TBC1D22A: variants seen among roughly 807,000 people sequenced by gnomAD.
The protein encoded by TBC1D22A is putative GTPase activator.
TBC1D22A carries 38 observed loss-of-function variants against 60.2 expected under a neutral mutation model. The observed-to-expected ratio is 0.63, with a 90% CI of 0.49 to 0.83. The LOEUF is 0.83. Ranked by LOEUF, TBC1D22A falls within the 40% of genes least tolerant of loss-of-function variation. TBC1D22A has a pLI of 0.00. For synonymous variants in TBC1D22A, 302 were observed against 281.7 expected (o/e 1.07, Z -0.72); for missense variants, 628 against 701.0 (o/e 0.90, Z 1.18).
At chr22:47,040,031 G>A (rs918549216) in intron 11 of TBC1D22A, among the ~76,000 whole-genome samples, 47 of 137,646 alleles carry the variant, frequency 3.4e-4, no homozygotes, top group East Asian at 8.7e-4. Flanking sequence ...TGCAAGCTCC[G>A]CCTCCCAGGT....
intron 8 of TBC1D22A, among the ~76,000 whole-genome samples, chr22:46,936,275 C>T (rs2071646498): frequency 6.6e-6 from 1 of 151,854 alleles, no homozygotes; most frequent in African/African-American, 2.4e-5. Context: ...TGGGGCCAGG[C>T]TCCTCGCGGT....
chr22:47,139,214 A>G (rs1278052974), intron 12 of TBC1D22A, among the ~76,000 whole-genome samples: 1 of 152,176 alleles, frequency 6.6e-6, no homozygotes, highest in Non-Finnish European at 1.5e-5. Context: ...GCGACCAGTC[A>G]GGCACAGAAC....
At chr22:47,063,260 G>A (rs1421657973) in intron 11 of TBC1D22A, among the ~76,000 whole-genome samples, 4 of 152,142 alleles carry the variant, frequency 2.6e-5, no homozygotes, top group Non-Finnish European at 5.9e-5. Flanking sequence ...GCTCTGATGC[G>A]CAGCCAAGGC....
intron 12 of TBC1D22A, among the ~76,000 whole-genome samples, chr22:47,139,340 C>T (rs2066994287): frequency 6.6e-6 from 1 of 152,234 alleles, no homozygotes; most frequent in Admixed American, 6.5e-5. Flanking sequence ...GCCACAGGTG[C>T]TGACGTGGCC....
At chr22:46,791,038 AT>A (rs1234073069) in intron 1 of TBC1D22A, among the ~76,000 whole-genome samples, 2 of 151,812 alleles carry the variant, frequency 1.3e-5, no homozygotes, top group African/African-American at 4.8e-5. Flanking sequence ...TCATCCGGCC[AT>A]TTTTTTGTAA....
At chr22:47,104,587 C>T (rs1046803211) in intron 11 of TBC1D22A, among the ~76,000 whole-genome samples, 5 of 151,218 alleles carry the variant, frequency 3.3e-5, no homozygotes, top group African/African-American at 1.2e-4. Context: ...CCCAGCTACC[C>T]CAGAGGCTGA....
At chr22:46,928,420 C>CA (rs1423623366) in intron 8 of TBC1D22A, among the ~76,000 whole-genome samples, 4 of 152,104 alleles carry the variant, frequency 2.6e-5, no homozygotes, top group African/African-American at 9.7e-5. Context: ...TAGACACACA[C>CA]AAAAAAGTGA....
intron 5 of TBC1D22A, among the ~76,000 whole-genome samples, chr22:46,879,366 A>C (rs928294668): frequency 3.3e-5 from 5 of 152,136 alleles, no homozygotes; most frequent in Non-Finnish European, 5.9e-5. Flanking sequence ...GTTGGAAGTG[A>C]GTTTGGCCCT....
chr22:46,827,576 C>T (rs543179513), intron 4 of TBC1D22A, among the ~76,000 whole-genome samples: 14 of 152,288 alleles, frequency 9.2e-5, no homozygotes, highest in Middle Eastern at 3.4e-3. Context: ...GAGTCCTGGC[C>T]GCCAGCAGAA....
At chr22:47,086,084 G>A (rs1428243161) in intron 11 of TBC1D22A, among the ~76,000 whole-genome samples, 1 of 152,240 alleles carries the variant, frequency 6.6e-6, no homozygotes, top group African/African-American at 2.4e-5. Context: ...GTGGTGTCAG[G>A]ACGTGTCCAT....
In TBC1D22A at chr22:46,778,860, A is replaced by G. The variant is rs577895767; in HGVS notation, c.63-13660A>G. On this transcript the variant is annotated intron_variant, in intron 1 of 12. Coordinates refer to ENST00000337137, the MANE Select transcript of TBC1D22A (RefSeq NM_014346.5). ...GGAGTTCGAAAGCAGCCTGGCCAAC[A>G]TGGTGAAACCCCGTCTCTACTAAAA... Among the ~76,000 whole-genome samples the G allele has an allele frequency of 1.8e-4, 27 of 152,298 alleles. No homozygotes were observed. In the East Asian group the frequency reaches 5.2e-3, roughly 29 times the overall value.
chr22:46,891,305 C>A lies in TBC1D22A; in HGVS notation c.748C>A (p.Leu250Ile). 6.2e-7 allele frequency: 1 copy of A among 1,613,292 alleles called. No individual in the cohort carries two copies. The highest frequency in any genetic ancestry group is 8.5e-7 in the Non-Finnish European group (1 of 1,179,778). Reference sequence around the variant, plus strand: ...CAATGTAGACCGGAGACCAGCCACTCTCCAGAGAAAACAAAAAGAATATTT... The same window carrying A: ...CAATGTAGACCGGAGACCAGCCACTATCCAGAGAAAACAAAAAGAATATTT... ...PANVDRRPAT[L>I]QRKQKEYFAF... Residue 250 changes from leucine (L) to isoleucine (I), a missense_variant, in exon 6 of 13, where the codon CTC (leucine) becomes ATC (isoleucine). Leu to Ile is a conservative substitution (Grantham distance 5). Coordinates refer to ENST00000337137, the MANE Select transcript of TBC1D22A (RefSeq NM_014346.5).
At chr22:46,798,749 C>T (rs1294235890) in intron 4 of TBC1D22A, among the ~76,000 whole-genome samples, 9 of 152,230 alleles carry the variant, frequency 5.9e-5, no homozygotes, top group Admixed American at 5.9e-4. Flanking sequence ...ACTCTAAGAG[C>T]CAGAGGTGCA....
rs565027416 is a variant in TBC1D22A, at chr22:46,963,290, C to A, written c.1016-11000C>A. On this transcript the variant is annotated intron_variant, in intron 8 of 12. Transcript: ENST00000337137. ...TGGTGTCTTGGACATGCCCTATAGA[C>A]CCTGCCTGGGCCACGCAGTGCTCAT... 2.0e-5 allele frequency among the ~76,000 whole-genome samples: 3 copies of A among 152,260 alleles called. No homozygotes were observed. In the East Asian group the frequency reaches 5.8e-4, roughly 29 times the overall value.
At chr22:46,938,953 A>G (rs2071823870) in intron 8 of TBC1D22A, among the ~76,000 whole-genome samples, 1 of 151,942 alleles carries the variant, frequency 6.6e-6, no homozygotes, top group Non-Finnish European at 1.5e-5. Flanking sequence ...TGGCATCAAG[A>G]ATCATGTGAT....
intron 11 of TBC1D22A, among the ~76,000 whole-genome samples, chr22:47,044,287 C>T (rs992070162): frequency 5.3e-5 from 8 of 152,360 alleles, no homozygotes; most frequent in Admixed American, 2.0e-4. Flanking sequence ...CCACTCACTT[C>T]CTCCACCATC....
In TBC1D22A at chr22:46,941,669, A is replaced by T. The variant is rs796919963; in HGVS notation, c.1015+29481A>T. ...TATATACGGAATATATATACGCGGA[A>T]TATATATACGGAATATATATACGCG... On this transcript the variant is annotated intron_variant, in intron 8 of 12. Coordinates refer to ENST00000337137, the MANE Select transcript of TBC1D22A (RefSeq NM_014346.5). 4.8e-3 allele frequency among the ~76,000 whole-genome samples: 322 copies of T among 66,834 alleles called. 4 individuals are homozygous for T. The highest frequency in any genetic ancestry group is 7.7e-3 in the Admixed American group (51 of 6,584). The allele number at this position is 66,834 out of a possible 152,430, so 43.8% of individuals were successfully genotyped here. A position where few individuals can be genotyped will look rare whatever the true frequency, so the allele number is the denominator to read the frequency against.
chr22:47,149,621 G>A (rs961925026), intron 12 of TBC1D22A, among the ~76,000 whole-genome samples: 1 of 152,248 alleles, frequency 6.6e-6, no homozygotes, highest in Non-Finnish European at 1.5e-5. Flanking sequence ...CCTGCCCCGG[G>A]AGCTCACAGA....
intron 8 of TBC1D22A, among the ~76,000 whole-genome samples, chr22:46,945,087 T>C (rs1373255285): frequency 6.6e-6 from 1 of 152,200 alleles, no homozygotes; most frequent in East Asian, 1.9e-4. Context: ...TGTAGTTTGG[T>C]CATGACCTTA....
Sources: allele counts gnomAD v4.1 joint callset (sites outside exome capture counted in the v4.1 genomes callset), GRCh38; gene constraint gnomAD v4.1.1; transcripts MANE v1.5; gene names NCBI Gene and HGNC (gene_info 2026-07-23, HGNC 2026-07-21).